Variants in KAT8 observed in about 807,000 individuals in gnomAD.
KAT8 encodes the protein lysine acetyltransferase 8, also known as histone acetyltransferase KAT8.
In KAT8, 40 loss-of-function variants were observed where a neutral mutation model predicts 62.9. The observed-to-expected ratio is 0.64, with a 90% confidence interval of 0.49 to 0.83. KAT8 has a LOEUF of 0.83. Ranked by LOEUF, KAT8 falls within the 40% of genes least tolerant of loss-of-function variation. The pLI is 0.00. For missense variants in KAT8, 387 were observed against 614.8 expected (o/e 0.63, Z 3.92); for synonymous variants, 278 against 254.5 (o/e 1.09, Z -0.88).
In KAT8 at chr16:31,127,079, G is replaced by A. The variant is rs761693036; in HGVS notation, c.507G>A (p.Glu169=). The part of the protein sequence containing the change: ...MDPTTAALEK[E]HEAITKVKYV... ...CCACCACAGCAGCCTTGGAGAAGGA[G>A]CATGAGGCGGTAAGTGGGGCTGGGA... Residue 169 remains glutamate (E), a synonymous_variant, in exon 4 of 11, where the codon GAG becomes GAA. Transcript: ENST00000219797. The A allele has an allele frequency of 6.8e-6, 11 of 1,614,064 alleles. No individual in the cohort carries two copies. The African/African-American group carries it at 1.5e-4, about 22-fold the overall frequency.
rs2057547158 is a variant in KAT8 at position 31,128,100 on chromosome 16, C to T, written c.732C>T (p.Ser244=). The T allele has an allele frequency of 6.2e-7, 1 of 1,614,072 alleles. No individual in the cohort carries two copies. Among genetic ancestry groups the T allele is most frequent in the African/African-American group, 1.3e-5 (1 of 75,054 alleles). Residue 244 remains serine, a synonymous_variant, in exon 6 of 11, where the codon AGC becomes AGT. Transcript: ENST00000219797. ...CCGGGAAAGAGATCTACCGCAAGAG[C>T]AACATCTCCGTGTACGAAGTTGATG... ...QPPGKEIYRK[S]NISVYEVDGK...
intron 3 of KAT8, among the ~76,000 whole-genome samples, chr16:31,121,774 A>C (rs750629579): frequency 6.6e-6 from 1 of 150,408 alleles, no homozygotes; most frequent in Non-Finnish European, 1.5e-5. Flanking sequence ...TTTTTTTGAG[A>C]CAGCGTCTTA....
chr16:31,119,625 T>C (rs1450975859), intron 1 of KAT8, among the ~76,000 whole-genome samples: 1 of 151,976 alleles, frequency 6.6e-6, no homozygotes, highest in Admixed American at 6.6e-5. Context: ...TAAGCCTCAG[T>C]TTTGTTCTGT....
intron 3 of KAT8, chr16:31,125,758 C>G (rs2057527858): frequency 6.6e-6 from 1 of 152,226 alleles, no homozygotes; most frequent in Non-Finnish European, 1.5e-5. Flanking sequence ...CAGGGCAGGG[C>G]CTTGTCTGCC....
chr16:31,126,740 C>T (rs546999701), intron 3 of KAT8: 454 of 405,534 alleles, frequency 1.1e-3, no homozygotes, highest in African/African-American at 8.7e-3. Flanking sequence ...GCTGGATTGC[C>T]CCCCATCGTG....
intron 3 of KAT8, among the ~76,000 whole-genome samples, chr16:31,124,524 G>A (rs1332955163): frequency 6.6e-6 from 1 of 152,100 alleles, no homozygotes; most frequent in Non-Finnish European, 1.5e-5. Context: ...ACGAGGTCAG[G>A]AGTTGGAGGC....
At chr16:31,126,892 A>G (rs879132542) in intron 3 of KAT8, 143 bp from the exon 4 acceptor site, 2 of 827,784 alleles carry the variant, frequency 2.4e-6, no homozygotes, top group Non-Finnish European at 3.9e-6. Flanking sequence ...ACCAAGTCAG[A>G]TAGGTTAGCT....
In KAT8 at chr16:31,120,171, C is replaced by CT. The variant is rs758873652; in HGVS notation, c.212-10dup. The CT allele has an allele frequency of 6.2e-7, 1 of 1,612,538 alleles. No individual in the cohort carries two copies. Among genetic ancestry groups the CT allele is most frequent in the Admixed American group, 1.7e-5 (1 of 59,988 alleles). ...GCCTTACCTTCCTGATGACCCTAGC[C>CT]TTTTTCCATCACAGATTCTGCTGAA... On this transcript the variant is annotated splice_polypyrimidine_tract_variant and intron_variant, in intron 1 of 10. Transcript: ENST00000219797.
intron 3 of KAT8, chr16:31,122,151 A>G (rs988864530): frequency 6.6e-6 from 1 of 152,254 alleles, no homozygotes; most frequent in African/African-American, 2.4e-5. Context: ...CAGCTATTGC[A>G]GCTTCATCCT....
intron 5 of KAT8, among the ~76,000 whole-genome samples, chr16:31,127,678 A>T (rs535509975): frequency 3.1e-4 from 47 of 152,340 alleles, no homozygotes; most frequent in Middle Eastern, 3.4e-3. Flanking sequence ...TTAAGTGTGG[A>T]TGAAATTGGG....
intron 10 of KAT8, 145 bp from the exon 11 acceptor site, chr16:31,131,050 G>C: frequency 6.7e-7 from 1 of 1,503,210 alleles, no homozygotes; most frequent in Non-Finnish European, 8.9e-7. Context: ...TCTCATTCCT[G>C]GGCTTCCCTA....
intron 5 of KAT8, among the ~76,000 whole-genome samples, chr16:31,127,724 G>C (rs1187087175): frequency 6.6e-6 from 1 of 152,222 alleles, no homozygotes; most frequent in Non-Finnish European, 1.5e-5. Flanking sequence ...CACTGACACA[G>C]TGGGCTGCTT....
intron 5 of KAT8, 81 bp downstream of exon 5, chr16:31,127,434 G>A (rs973387535): frequency 6.8e-6 from 10 of 1,464,618 alleles, no homozygotes; most frequent in African/African-American, 1.4e-5. Context: ...GGGCGGCTGC[G>A]CCGGCAGCTC....
In KAT8 at chr16:31,130,729, C is replaced by G. The variant is rs773104441; in HGVS notation, c.1158-17C>G. On this transcript the variant is annotated splice_polypyrimidine_tract_variant and intron_variant, in intron 9 of 10. Transcript: ENST00000219797. ...AAGGGCACCAGGTCTGGCATTTGCT[C>G]TCATCCCTTTTTGCAGCCAGATGAC... 2 of 1,613,868 alleles carry G rather than the reference C, an allele frequency of 1.2e-6. No homozygotes were observed. Among genetic ancestry groups the G allele is most frequent in the Non-Finnish European group, 8.5e-7 (1 of 1,179,762 alleles).
intron 9 of KAT8, 56 bp downstream of exon 9, chr16:31,130,662 C>A: frequency 6.2e-7 from 1 of 1,610,646 alleles, no homozygotes; most frequent in Non-Finnish European, 8.5e-7. Context: ...GGGCCACGAT[C>A]CTGCTTCCTC....
At chr16:31,120,601 A>G (rs1285154230) in intron 3 of KAT8, 87 bp downstream of exon 3, 5 of 1,235,816 alleles carry the variant, frequency 4.0e-6, no homozygotes, top group Non-Finnish European at 5.6e-6. Context: ...TGCCAAAACC[A>G]TAGCAAATCC....
chr16:31,122,936 C>T (rs921001597), intron 3 of KAT8, among the ~76,000 whole-genome samples: 1 of 151,978 alleles, frequency 6.6e-6, no homozygotes, highest in Non-Finnish European at 1.5e-5. Context: ...AATCCCAACA[C>T]TTTGGGAGGC....
intron 3 of KAT8, 51 bp downstream of exon 3, chr16:31,120,565 G>A: frequency 6.4e-7 from 1 of 1,550,822 alleles, no homozygotes; most frequent in South Asian, 1.1e-5. Flanking sequence ...TTCTCTGCCA[G>A]TTCCCTTGGG....
In KAT8 at chr16:31,117,848, A is replaced by G; in HGVS notation, c.167A>G (p.Glu56Gly). ...CGCGGCGAGCCGGAAGTCACGGTGG[A>G]GATCGGAGAAACGTACCTGTGCCGG... Reference protein sequence around the residue: ...PARGEPEVTVEIGETYLCRRP... With the variant: ...PARGEPEVTVGIGETYLCRRP... Residue 56 changes from glutamate to glycine, a missense_variant, in exon 1 of 11, where the codon GAG becomes GGG. This residue lies in a region of KAT8 where 69 missense variants were observed against 127.0 expected (regional missense o/e 0.54). Transcript: ENST00000219797. 2 of 1,435,272 alleles carry G rather than the reference A, an allele frequency of 1.4e-6. No homozygotes were observed. The highest frequency in any genetic ancestry group is 9.2e-7 in the Non-Finnish European group (1 of 1,084,442). 88.9% of individuals were successfully genotyped at this position (1,435,272 alleles called of 1,614,324 possible). A position where few individuals can be genotyped will look rare whatever the true frequency, so the allele number is the denominator to read the frequency against.
Sources: gnomAD v4.1 joint callset for allele counts (sites outside exome capture counted in the v4.1 genomes callset) on GRCh38, gnomAD v4.1.1 for gene constraint, gnomAD v4.1.1 regional missense constraint, MANE v1.5 for transcripts, NCBI Gene and HGNC (gene_info 2026-07-23, HGNC 2026-07-21) for gene names.